PLD5: variants seen among roughly 807,000 people sequenced by gnomAD.
PLD5 encodes the protein inactive phospholipase D5.
Under a neutral mutation model 61.1 loss-of-function variants are expected in PLD5, and 36 were observed. The observed-to-expected ratio is 0.59, with a 90% CI of 0.45 to 0.78. The LOEUF is 0.78. Among genes scored for constraint, PLD5 ranks in the 30% least tolerant of loss-of-function variants. PLD5 has a pLI of 0.00. For missense variants in PLD5, 515 were observed against 644.4 expected (o/e 0.80, Z 2.17); for synonymous variants, 243 against 242.8 (o/e 1.00, Z -0.01).
At chr1:242,388,443 G>A (rs1052154200) in intron 1 of PLD5, among the ~76,000 whole-genome samples, 3 of 152,136 alleles carry the variant, frequency 2.0e-5, no homozygotes, top group Non-Finnish European at 4.4e-5. Flanking sequence ...AGTCAAGGAC[G>A]CAAACATAAG....
At chr1:242,507,367 G>A (rs1334042548) in intron 1 of PLD5, among the ~76,000 whole-genome samples, 3 of 152,160 alleles carry the variant, frequency 2.0e-5, no homozygotes, top group African/African-American at 7.2e-5. Context: ...CTGAGGCCAG[G>A]AGGTCATTCA....
rs750724154 is a variant in PLD5 at position 242,233,081 on chromosome 1, G to A, written c.608-12966C>T. Among the ~76,000 whole-genome samples, 110 of 152,154 alleles carry A rather than the reference G, an allele frequency of 7.2e-4. 2 individuals carry two copies. Among genetic ancestry groups the A allele is most frequent in the Non-Finnish European group, 1.3e-4 (9 of 68,034 alleles). ...AGGCAGAAGAATCGCTTGAACCCGG[G>A]AGGCCAAGGTTGCAGTGAGCTGAGA... On this transcript the variant is annotated intron_variant, in intron 4 of 9. Transcript: ENST00000536534.
At chr1:242,331,007 C>T (rs73126305) in intron 2 of PLD5, among the ~76,000 whole-genome samples, 3,546 of 152,264 alleles carry the variant, frequency 0.023, 129 homozygotes, top group African/African-American at 0.08. Context: ...TCTTCTTTTT[C>T]ATCCTTTAAC....
intron 4 of PLD5, among the ~76,000 whole-genome samples, chr1:242,242,986 A>G (rs10926668): frequency 0.086 from 13,049 of 152,274 alleles, 720 homozygotes; most frequent in East Asian, 0.18. Context: ...CTCATTCCCC[A>G]TATCTTTCCT....
intron 5 of PLD5, among the ~76,000 whole-genome samples, chr1:242,207,446 A>G (rs957837877): frequency 6.6e-6 from 1 of 152,058 alleles, no homozygotes; most frequent in African/African-American, 2.4e-5. Context: ...ATTGGTCCCA[A>G]GCTTATTCTT....
At chr1:242,285,258 T>C (rs576760135) in intron 3 of PLD5, among the ~76,000 whole-genome samples, 94 of 152,342 alleles carry the variant, frequency 6.2e-4, no homozygotes, top group Non-Finnish European at 1.1e-3. Context: ...TAAAGTCATA[T>C]GGGAGACCGT....
At chr1:242,300,112 A>G (rs918745755) in intron 2 of PLD5, among the ~76,000 whole-genome samples, 2 of 152,216 alleles carry the variant, frequency 1.3e-5, no homozygotes, top group Non-Finnish European at 2.9e-5. Context: ...AGAATTTGTG[A>G]GCAGAGTGCT....
chr1:242,265,715 C>T (rs183106334), intron 3 of PLD5, among the ~76,000 whole-genome samples: 40 of 152,266 alleles, frequency 2.6e-4, no homozygotes, highest in African/African-American at 9.6e-4. Flanking sequence ...CAATGCAAAT[C>T]TACCCTTTTC....
intron 5 of PLD5, among the ~76,000 whole-genome samples, chr1:242,181,662 T>TTG (rs200051427): frequency 0.015 from 2,314 of 151,856 alleles, 29 homozygotes; most frequent in Non-Finnish European, 0.023. Flanking sequence ...CAATGGTTTT[T>TTG]TTTTGTTTTG....
Position 242,228,167 on chromosome 1 carries a change from A to G in PLD5, c.608-8052T>C, listed in dbSNP as rs1172535061. Among the ~76,000 whole-genome samples, 5 of 152,218 alleles carry G rather than the reference A, an allele frequency of 3.3e-5. No individual in the cohort carries two copies. The East Asian group carries it at 9.6e-4, about 29-fold the overall frequency. On this transcript the variant is annotated intron_variant, in intron 4 of 9. Coordinates refer to ENST00000536534, the MANE Select transcript of PLD5 (RefSeq NM_001372062.1). ...AATGAGCAACTTTAAGGAGACAACT[A>G]GTTGAAGAATTTAATTCCAGTGAAG...
At chr1:242,355,961 T>C (rs531605989) in intron 1 of PLD5, among the ~76,000 whole-genome samples, 7 of 151,528 alleles carry the variant, frequency 4.6e-5, no homozygotes, top group East Asian at 2.0e-4. Flanking sequence ...ATGATTTCAA[T>C]CTTCTTAAAT....
At chr1:242,130,824 A>G (rs555097883) in intron 5 of PLD5, among the ~76,000 whole-genome samples, 1 of 152,306 alleles carries the variant, frequency 6.6e-6, no homozygotes, top group East Asian at 1.9e-4. Flanking sequence ...AACCGTTTGA[A>G]GAAAATCATC....
intron 1 of PLD5, among the ~76,000 whole-genome samples, chr1:242,390,081 C>T (rs1378555274): frequency 1.5e-4 from 7 of 46,172 alleles, no homozygotes; most frequent in Non-Finnish European, 3.8e-4. Flanking sequence ...AGTGCAGTGG[C>T]GCCATCTCAC....
chr1:242,235,465 C>T (rs1671576981), intron 4 of PLD5: 1 of 152,154 alleles, frequency 6.6e-6, no homozygotes. Flanking sequence ...GTCCCTAAGT[C>T]TTCATTCAGT....
intron 2 of PLD5, among the ~76,000 whole-genome samples, chr1:242,297,635 T>C (rs1257175974): frequency 0.064 from 911 of 14,152 alleles, 16 homozygotes; most frequent in African/African-American, 0.081. Flanking sequence ...TTTTTTTTTT[T>C]TTTTTTTTTT....
At chr1:242,453,510 A>G (rs1666851955) in intron 1 of PLD5, among the ~76,000 whole-genome samples, 1 of 152,046 alleles carries the variant, frequency 6.6e-6, no homozygotes, top group South Asian at 2.1e-4. Context: ...TGTTTTTGAG[A>G]AGCCCAACAA....
chr1:242,198,278 G>A (rs966686674), intron 5 of PLD5, among the ~76,000 whole-genome samples: 2 of 152,130 alleles, frequency 1.3e-5, no homozygotes, highest in African/African-American at 4.8e-5. Flanking sequence ...AGAAGGCAGA[G>A]TCTAGTCTTT....
At chr1:242,113,316 A>G (rs539678570) in intron 7 of PLD5, among the ~76,000 whole-genome samples, 8 of 151,988 alleles carry the variant, frequency 5.3e-5, no homozygotes, top group Admixed American at 4.6e-4. Flanking sequence ...GATGGTCTCG[A>G]TCTCCTGACC....
intron 5 of PLD5, chr1:242,210,649 C>G (rs887509620): frequency 1.3e-5 from 2 of 152,424 alleles, no homozygotes; most frequent in Non-Finnish European, 2.9e-5. Flanking sequence ...CAAAATCACC[C>G]CCACTGAGCA....
Sources: gnomAD v4.1 joint callset for allele counts (sites outside exome capture counted in the v4.1 genomes callset) on GRCh38, gnomAD v4.1.1 for gene constraint, MANE v1.5 for transcripts, NCBI Gene and HGNC (gene_info 2026-07-23, HGNC 2026-07-21) for gene names.